The following STT3B variants were observed in gnomAD, a reference collection of about 807,000 sequenced individuals.
The protein encoded by STT3B is dolichyl-diphosphooligosaccharide--protein glycosyltransferase subunit STT3B.
In STT3B, 29 loss-of-function variants were observed where a neutral mutation model predicts 96.8. That is an observed-to-expected ratio of 0.30 (90% CI 0.22 to 0.41). The LOEUF (loss-of-function observed/expected upper bound fraction) is 0.41, where lower values mean the gene tolerates loss of function less well. Among genes scored for constraint, STT3B ranks in the 10% least tolerant of loss-of-function variants. The probability of loss-of-function intolerance (pLI) is 1.00; values close to 1 mark genes in which losing one functional copy is unlikely to be tolerated. For missense variants in STT3B, 640 were observed against 1,022.3 expected (o/e 0.63, Z 5.10); for synonymous variants, 367 against 360.0 (o/e 1.02, Z -0.22).
chr3:31,585,947 A>G (rs1312885160), intron 3 of STT3B, among the ~76,000 whole-genome samples: 2 of 152,022 alleles, frequency 1.3e-5, no homozygotes, highest in Non-Finnish European at 2.9e-5. Context: ...GACATATATT[A>G]TTATTTCACT....
intron 3 of STT3B, among the ~76,000 whole-genome samples, chr3:31,581,737 T>G (rs1487507757): frequency 6.6e-6 from 1 of 152,196 alleles, no homozygotes; most frequent in Non-Finnish European, 1.5e-5. Flanking sequence ...TCCCTTCTCT[T>G]CAGTTTTTGG....
At chr3:31,556,430 G>A (rs995458618) in intron 1 of STT3B, among the ~76,000 whole-genome samples, 1 of 152,184 alleles carries the variant, frequency 6.6e-6, no homozygotes, top group Admixed American at 6.5e-5. Context: ...TAGTGGGGTT[G>A]CTGGATTATA....
chr3:31,565,067 A>G (rs1697970160), intron 1 of STT3B, among the ~76,000 whole-genome samples: 1 of 152,200 alleles, frequency 6.6e-6, no homozygotes, highest in Non-Finnish European at 1.5e-5. Flanking sequence ...CCTTCCTTGC[A>G]TTCTCTCATT....
chr3:31,623,964 C>CA, intron 11 of STT3B, 103 bp downstream of exon 11: 2 of 1,005,732 alleles, frequency 2.0e-6, no homozygotes, highest in Non-Finnish European at 2.8e-6. Context: ...TGAGATTCTG[C>CA]ATTTGCTTGT....
chr3:31,589,419 G>A (rs1423976168), intron 3 of STT3B, among the ~76,000 whole-genome samples: 1 of 151,868 alleles, frequency 6.6e-6, no homozygotes, highest in East Asian at 1.9e-4. Flanking sequence ...TTCCTTTTCA[G>A]TCTGTGTACT....
chr3:31,636,359 C>T lies in STT3B; in HGVS notation c.*295C>T. 1 of 228,366 alleles carries T rather than the reference C, an allele frequency of 4.4e-6. No individual in the cohort carries two copies. The highest frequency in any genetic ancestry group is 8.5e-6 in the Non-Finnish European group (1 of 118,260). 14.1% of individuals were successfully genotyped at this position (228,366 alleles called of 1,614,324 possible). ...ATCTGAGAATTTGGACTAACTGCAC[C>T]AAAGAACCCTCTAATTTGGTCCCTG... is the stretch of plus-strand genomic sequence containing the variant. On this transcript the variant is annotated 3_prime_UTR_variant, in exon 16 of 16. Transcript: ENST00000295770.
intron 5 of STT3B, among the ~76,000 whole-genome samples, chr3:31,603,636 A>T (rs910205189): frequency 5.3e-5 from 8 of 152,108 alleles, no homozygotes; most frequent in Admixed American, 2.0e-4. Flanking sequence ...TAAGCTTTCT[A>T]ATTTGATTAA....
At chr3:31,591,039 T>C (rs1308641470) in intron 3 of STT3B, among the ~76,000 whole-genome samples, 1 of 152,114 alleles carries the variant, frequency 6.6e-6, no homozygotes, top group Non-Finnish European at 1.5e-5. Flanking sequence ...CTCATCGTTT[T>C]TCTTTTCAAG....
chr3:31,596,305 T>G lies in STT3B; in HGVS notation c.712-493T>G, dbSNP rs1698791897. On this transcript the variant is annotated intron_variant, in intron 3 of 15. Transcript: ENST00000295770. ...TAAAATAGAAGGAAACTCTATATGG[T>G]ATCCTGAGGCTGAGGGAGAGTACCC... Among the ~76,000 whole-genome samples, 2 of 152,106 alleles carry G rather than the reference T, an allele frequency of 1.3e-5. 1 individual carries two copies. The highest frequency in any genetic ancestry group is 4.8e-5 in the African/African-American group (2 of 41,434).
chr3:31,572,065 T>C (rs1361432677), intron 1 of STT3B, among the ~76,000 whole-genome samples: 2 of 141,690 alleles, frequency 1.4e-5, no homozygotes, highest in African/African-American at 5.2e-5. Context: ...TATATTAATA[T>C]ATTAAATATA....
intron 1 of STT3B, among the ~76,000 whole-genome samples, chr3:31,553,121 C>T (rs984332170): frequency 1.3e-5 from 2 of 148,972 alleles, no homozygotes; most frequent in Admixed American, 6.7e-5. Flanking sequence ...AAAAAAAAAC[C>T]AAATAAAACT....
chr3:31,597,897 A>G (rs575741884), intron 4 of STT3B, among the ~76,000 whole-genome samples: 66 of 147,948 alleles, frequency 4.5e-4, no homozygotes, highest in Middle Eastern at 3.6e-3. Flanking sequence ...GTGCAGTGGT[A>G]CGATCTCGGC....
chr3:31,625,527 A>C (rs1032003582), intron 12 of STT3B, among the ~76,000 whole-genome samples: 3 of 152,258 alleles, frequency 2.0e-5, no homozygotes, highest in Non-Finnish European at 4.4e-5. Flanking sequence ...TTTTAAATAC[A>C]AAGAGTAGTC....
Position 31,572,450 on chromosome 3 carries a change from G to A in STT3B, c.315-3946G>A, listed in dbSNP as rs1018059866. Among the ~76,000 whole-genome samples the A allele has an allele frequency of 6.6e-5, 10 of 151,850 alleles. No individual in the cohort carries two copies. The South Asian group carries it at 2.1e-3, about 31-fold the overall frequency. On this transcript the variant is annotated intron_variant, in intron 1 of 15. Transcript: ENST00000295770. ...CAGAAGTAGATTCATGACATGGTTGGCATCATTGCAGCTATGATCTCTAAC... is the reference window on the plus strand; with the variant it reads ...CAGAAGTAGATTCATGACATGGTTGACATCATTGCAGCTATGATCTCTAAC...
chr3:31,595,187 C>G (rs1226590298), intron 3 of STT3B, among the ~76,000 whole-genome samples: 2 of 152,148 alleles, frequency 1.3e-5, no homozygotes, highest in African/African-American at 2.4e-5. Context: ...AAATGAGGGT[C>G]TTATGACCCA....
intron 1 of STT3B, among the ~76,000 whole-genome samples, chr3:31,560,123 A>C (rs1697838761): frequency 6.6e-6 from 1 of 151,836 alleles, no homozygotes; most frequent in East Asian, 1.9e-4. Context: ...TGGGTCTTTT[A>C]TTTTTTTAAT....
chr3:31,594,656 G>A lies in STT3B; in HGVS notation c.712-2142G>A, dbSNP rs116367570. Among the ~76,000 whole-genome samples, 424 of 152,112 alleles carry A rather than the reference G, an allele frequency of 2.8e-3. 1 individual carries two copies. The highest frequency in any genetic ancestry group is 9.2e-3 in the African/African-American group (383 of 41,494). On this transcript the variant is annotated intron_variant, in intron 3 of 15. Coordinates refer to ENST00000295770, the MANE Select transcript of STT3B (RefSeq NM_178862.3). ...TGTTGTCCAGGATGGTCTCGACCTCGTGATCCACCTGACTCGGCCTCCCAA... is the reference window on the plus strand; with the variant it reads ...TGTTGTCCAGGATGGTCTCGACCTCATGATCCACCTGACTCGGCCTCCCAA...
In STT3B at chr3:31,593,736, A is replaced by G. The variant is rs570651505; in HGVS notation, c.712-3062A>G. ...TAGTTCATTCTTATTTCTCACATGT[A>G]TAGGAGAATATGTATCTCTGTTTCT... On this transcript the variant is annotated intron_variant, in intron 3 of 15. Coordinates refer to ENST00000295770, the MANE Select transcript of STT3B (RefSeq NM_178862.3). 2.0e-5 allele frequency among the ~76,000 whole-genome samples: 3 copies of G among 151,628 alleles called. No individual in the cohort carries two copies. In the East Asian group the frequency reaches 6.2e-4, roughly 31 times the overall value.
Position 31,619,686 on chromosome 3 carries a change from A to C in STT3B, c.1183A>C (p.Ile395Leu). 1 of 1,608,790 alleles carries C rather than the reference A, an allele frequency of 6.2e-7. No homozygotes were observed. The highest frequency in any genetic ancestry group is 8.5e-7 in the Non-Finnish European group (1 of 1,178,644). The change falls in exon 9 of 16, where the codon ATA (isoleucine) becomes CTA (leucine). Residue 395 changes from isoleucine (I) to leucine (L), a missense_variant. By Grantham distance (5) the Ile-to-Leu change is conservative. This residue lies in a region of STT3B where 9 missense variants were observed against 50.4 expected (regional missense o/e 0.18). Transcript: ENST00000295770. Reference protein sequence around the residue: ...YSLWDTGYAKIHIPIIASVSE... With the variant: ...YSLWDTGYAKLHIPIIASVSE... ...CTTTTTTAATACCAGGTATGCAAAAATACACATTCCAATTATTGCATCAGT... is the reference window on the plus strand; with the variant it reads ...CTTTTTTAATACCAGGTATGCAAAACTACACATTCCAATTATTGCATCAGT...
Sources: gnomAD v4.1 joint callset for allele counts (sites outside exome capture counted in the v4.1 genomes callset) on GRCh38, gnomAD v4.1.1 for gene constraint, gnomAD v4.1.1 regional missense constraint, MANE v1.5 for transcripts, NCBI Gene and HGNC (gene_info 2026-07-23, HGNC 2026-07-21) for gene names.